The following CMIP variants were observed in gnomAD, a reference collection of about 807,000 sequenced individuals.
The protein encoded by CMIP is C-Maf-inducing protein.
In CMIP, 13 loss-of-function variants were observed where a neutral mutation model predicts 97.3. That is an observed-to-expected ratio of 0.13 (90% CI 0.09 to 0.21). CMIP has a LOEUF of 0.21. Ranked by LOEUF, CMIP falls within the 10% of genes least tolerant of loss-of-function variation. The probability of loss-of-function intolerance (pLI) is 1.00; values close to 1 mark genes in which losing one functional copy is unlikely to be tolerated. For missense variants in CMIP, 847 were observed against 1,024.9 expected, an observed-to-expected ratio of 0.83 and a Z score of 2.37; for synonymous variants, 538 against 436.3, an observed-to-expected ratio of 1.23 and a Z score of -2.91.
At chr16:81,509,307 G>A (rs533377665) in intron 1 of CMIP, among the ~76,000 whole-genome samples, 78 of 152,302 alleles carry the variant, frequency 5.1e-4, no homozygotes, top group Non-Finnish European at 9.4e-4. Context: ...GAGCCCACCG[G>A]AATGATGCTG....
intron 11 of CMIP, among the ~76,000 whole-genome samples, 161 bp downstream of exon 11, chr16:81,692,001 G>T (rs900266839): frequency 6.6e-6 from 1 of 152,224 alleles, no homozygotes; most frequent in South Asian, 2.1e-4. Flanking sequence ...CTCAGCTGTG[G>T]GACCCCTGGG....
chr16:81,608,540 C>G (rs931349423), intron 2 of CMIP, among the ~76,000 whole-genome samples: 1 of 152,112 alleles, frequency 6.6e-6, no homozygotes, highest in Admixed American at 6.5e-5. Context: ...CTGATTGGCT[C>G]TGCCGTGTTC....
At chr16:81,521,665 TA>T (rs918097240) in intron 1 of CMIP, among the ~76,000 whole-genome samples, 34 of 152,202 alleles carry the variant, frequency 2.2e-4, no homozygotes, top group Admixed American at 9.2e-4. Flanking sequence ...CTTTTCCTTC[TA>T]AGTCTTGTGT....
intron 6 of CMIP, among the ~76,000 whole-genome samples, chr16:81,661,250 T>C (rs756834207): frequency 1.3e-5 from 2 of 152,212 alleles, no homozygotes; most frequent in Non-Finnish European, 2.9e-5. Context: ...AGCTGGGTTA[T>C]TATTAGCCAA....
intron 5 of CMIP, among the ~76,000 whole-genome samples, chr16:81,659,121 A>T (rs921960070): frequency 2.0e-5 from 3 of 152,200 alleles, no homozygotes; most frequent in African/African-American, 7.2e-5. Context: ...GAACAGGAGG[A>T]CAAGTCAACC....
Position 81,476,632 on chromosome 16 carries a change from G to A in CMIP, c.300+31091G>A, listed in dbSNP as rs533757496. ...TTACTTGGGCCTTCTTGTGCAACTT[G>A]CCTTTTTAGTTTGCTTACTTTCTGT... On this transcript the variant is annotated intron_variant, in intron 1 of 20. Coordinates refer to ENST00000537098, the MANE Select transcript of CMIP (RefSeq NM_198390.3). The A allele has an allele frequency of 8.9e-4, 358 of 402,666 alleles. 5 individuals carry two copies. Among genetic ancestry groups the A allele is most frequent in the South Asian group, 7.3e-3 (336 of 46,090 alleles). The allele number at this position is 402,666 out of a possible 1,614,324, so 24.9% of individuals were successfully genotyped here. A position where few individuals can be genotyped will look rare whatever the true frequency, so the allele number is the denominator to read the frequency against.
chr16:81,560,342 C>A (rs2090857134), intron 1 of CMIP, among the ~76,000 whole-genome samples: 1 of 151,442 alleles, frequency 6.6e-6, no homozygotes. Context: ...CCTCAGCCTC[C>A]CCAGTAGCTG....
chr16:81,553,123 GTC>G (rs2090691570), intron 1 of CMIP, among the ~76,000 whole-genome samples: 1 of 152,194 alleles, frequency 6.6e-6, no homozygotes, highest in Non-Finnish European at 1.5e-5. Context: ...CAGGGCCTGA[GTC>G]TCTGCTTGTT....
At chr16:81,520,235 G>C (rs2150804748) in intron 1 of CMIP, 1 of 152,304 alleles carries the variant, frequency 6.6e-6, no homozygotes, top group South Asian at 2.1e-4. Context: ...CCTCTTGCCT[G>C]CTGGTGCACT....
In CMIP at chr16:81,532,011, G is replaced by T. The variant is rs12445799; in HGVS notation, c.301-75556G>T. 3.3e-3 allele frequency among the ~76,000 whole-genome samples: 496 copies of T among 152,252 alleles called. 9 individuals are homozygous for T. Among genetic ancestry groups the T allele is most frequent in the Admixed American group, 0.029 (437 of 15,292 alleles). On this transcript the variant is annotated intron_variant, in intron 1 of 20. Coordinates refer to ENST00000537098, the MANE Select transcript of CMIP (RefSeq NM_198390.3). Reference sequence around the variant, plus strand: ...GATTTGATAGCTTCCATTTCATGGCGCTTCTTCTGGATGTCAGGCACTAAG... The same window carrying T: ...GATTTGATAGCTTCCATTTCATGGCTCTTCTTCTGGATGTCAGGCACTAAG...
At chr16:81,580,737 C>T (rs1051665775) in intron 1 of CMIP, among the ~76,000 whole-genome samples, 1 of 151,968 alleles carries the variant, frequency 6.6e-6, no homozygotes, top group African/African-American at 2.4e-5. Context: ...CTCCTGGTTG[C>T]AGTGAGCCGA....
In CMIP at chr16:81,710,450, G is replaced by A. The variant is rs1047446281; in HGVS notation, c.*651G>A. ...CACCGCCCTCCCGCCCCCACCTGGC[G>A]TGTAGTACTGTATAAACCAGTCAGC... On this transcript the variant is annotated 3_prime_UTR_variant, in exon 21 of 21. Coordinates refer to ENST00000537098, the MANE Select transcript of CMIP (RefSeq NM_198390.3). 2 of 134,352 alleles carry A rather than the reference G, an allele frequency of 1.5e-5. No homozygotes were observed. Among genetic ancestry groups the A allele is most frequent in the Non-Finnish European group, 1.5e-5 (1 of 65,202 alleles). The allele number at this position is 134,352 out of a possible 1,614,324, so 8.3% of individuals were successfully genotyped here.
chr16:81,508,876 G>A (rs1481949437), intron 1 of CMIP, among the ~76,000 whole-genome samples: 1 of 152,216 alleles, frequency 6.6e-6, no homozygotes, highest in Non-Finnish European at 1.5e-5. Flanking sequence ...ACTGTGCACT[G>A]GGGTTGGGAA....
At chr16:81,612,546 A>T (rs2091849106) in intron 2 of CMIP, among the ~76,000 whole-genome samples, 1 of 152,222 alleles carries the variant, frequency 6.6e-6, no homozygotes, top group Non-Finnish European at 1.5e-5. Flanking sequence ...CCTTTTCCCT[A>T]AGAAACTGGG....
At chr16:81,638,871 G>A (rs2092269432) in intron 3 of CMIP, among the ~76,000 whole-genome samples, 2 of 151,926 alleles carry the variant, frequency 1.3e-5, no homozygotes, top group African/African-American at 2.4e-5. Context: ...AAAGAGGGGC[G>A]CCTGTTCTAG....
intron 20 of CMIP, among the ~76,000 whole-genome samples, chr16:81,709,431 G>A (rs778765301): frequency 1.3e-5 from 2 of 152,174 alleles, no homozygotes; most frequent in African/African-American, 2.4e-5. Context: ...ATCTGCCCAC[G>A]GTCACGCAGC....
chr16:81,563,488 G>C (rs1283677223), intron 1 of CMIP, among the ~76,000 whole-genome samples: 1 of 152,196 alleles, frequency 6.6e-6, no homozygotes, highest in Non-Finnish European at 1.5e-5. Flanking sequence ...TCACCTGGGA[G>C]TTTGTTAGAG....
intron 1 of CMIP, among the ~76,000 whole-genome samples, chr16:81,561,274 T>C (rs1446325846): frequency 3.3e-5 from 5 of 152,100 alleles, no homozygotes; most frequent in Non-Finnish European, 7.4e-5. Context: ...GATCACCTAA[T>C]ATTTTAGGTG....
At chr16:81,569,502 G>C (rs1395354757) in intron 1 of CMIP, among the ~76,000 whole-genome samples, 3 of 152,216 alleles carry the variant, frequency 2.0e-5, no homozygotes. Flanking sequence ...CTTGAATTCA[G>C]TGTTACCTTC....
Sources: gnomAD v4.1 joint callset for allele counts (sites outside exome capture counted in the v4.1 genomes callset) on GRCh38, gnomAD v4.1.1 for gene constraint, MANE v1.5 for transcripts, NCBI Gene and HGNC (gene_info 2026-07-23, HGNC 2026-07-21) for gene names.